Variants in SEMA4C observed in about 807,000 individuals in gnomAD.
The protein encoded by SEMA4C is semaphorin 4C, also known as semaphorin-4C.
A neutral mutation model predicts 89.0 loss-of-function variants in SEMA4C; 19 were observed. The ratio of observed to expected loss-of-function variants is 0.21; its 90% CI spans 0.15 to 0.31. The LOEUF (loss-of-function observed/expected upper bound fraction) is 0.31. Ranked by LOEUF, SEMA4C falls within the 10% of genes least tolerant of loss-of-function variation. The pLI, the probability that SEMA4C is intolerant of heterozygous loss-of-function variation, is 1.00. For synonymous variants in SEMA4C, 428 were observed against 472.7 expected (o/e 0.91, Z 1.23); for missense variants, 811 against 1,107.0 (o/e 0.73, Z 3.79).
intron 1 of SEMA4C, chr2:96,869,118 G>A: frequency 1.0e-6 from 1 of 985,352 alleles, no homozygotes; most frequent in Non-Finnish European, 1.2e-6. Context: ...GAGCCCCGGC[G>A]CGGGAGAGCG....
In SEMA4C at chr2:96,866,404, G is replaced by A. The variant is rs1178681740; in HGVS notation, c.137C>T (p.Ser46Phe). 6 of 1,613,938 alleles carry A rather than the reference G, an allele frequency of 3.7e-6. No individual in the cohort carries two copies. Among genetic ancestry groups the A allele is most frequent in the Non-Finnish European group, 4.2e-6 (5 of 1,180,034 alleles). The change falls in exon 3 of 15, where the codon TCC (serine) becomes TTC (phenylalanine). Residue 46 changes from serine to phenylalanine, a missense_variant. This residue lies in a region of SEMA4C where 119 missense variants were observed against 152.7 expected (regional missense o/e 0.78). Coordinates refer to ENST00000305476, the MANE Select transcript of SEMA4C (RefSeq NM_017789.5). ...CAGGAAGTCCTGGATGCCGGTCTGG[G>A]AGAACCGCCGTACTACCGTGGCCAG... Reference protein sequence around the residue: ...GELATVVRRFSQTGIQDFLTL... With the variant: ...GELATVVRRFFQTGIQDFLTL...
intron 12 of SEMA4C, chr2:96,863,263 A>C: frequency 1.3e-5 from 13 of 1,015,730 alleles, no homozygotes; most frequent in Non-Finnish European, 1.5e-5. Context: ...CACTTCAGGG[A>C]AACAGTCACG....
chr2:96,867,658 C>T (rs1324767157), intron 2 of SEMA4C, 120 bp downstream of exon 2: 2 of 1,081,150 alleles, frequency 1.8e-6, no homozygotes, highest in Non-Finnish European at 1.4e-6. Flanking sequence ...ACTGCCCGTT[C>T]TTCCAACTCG....
rs2080023440 is a variant in SEMA4C at position 96,864,446 on chromosome 2, G to A, written c.963-64C>T. The A allele has an allele frequency of 1.9e-6, 3 of 1,598,248 alleles. No homozygotes were observed. Among genetic ancestry groups the A allele is most frequent in the South Asian group, 2.2e-5 (2 of 90,154 alleles). ...CTTATCTCTTCCCACCCCAGCTAAG[G>A]GCAAGCAGCAGGAAGGCAGGGCCTG... On this transcript the variant is annotated intron_variant, in intron 9 of 14. Transcript: ENST00000305476. This position sits in a 1 kb window ranked among gnomAD's most constrained non-coding sequence, Gnocchi z 6.3.
In SEMA4C at chr2:96,860,855, G is replaced by A. The variant is rs1174321650; in HGVS notation, c.2273C>T (p.Pro758Leu). 8.1e-6 allele frequency: 13 copies of A among 1,613,042 alleles called. No homozygotes were observed. Among genetic ancestry groups the A allele is most frequent in the East Asian group, 2.2e-5 (1 of 44,888 alleles). ...GHARCQPGGGPPSPPPGIPGQ... is the reference protein window; with the variant it reads ...GHARCQPGGGLPSPPPGIPGQ... The stretch of plus-strand genomic sequence containing the variant: ...TGGGATGCCTGGAGGTGGCGAAGGG[G>A]GCCCCCCACCGGGCTGGCACCGGGC... The change falls in exon 15 of 15, where the codon CCC becomes CTC. Residue 758 changes from proline (P) to leucine (L), a missense_variant. This residue lies in a region of SEMA4C where 248 missense variants were observed against 269.0 expected (regional missense o/e 0.92). Coordinates refer to ENST00000305476, the MANE Select transcript of SEMA4C (RefSeq NM_017789.5).
intron 1 of SEMA4C, chr2:96,869,265 G>A: frequency 1.0e-6 from 1 of 985,370 alleles, no homozygotes; most frequent in Non-Finnish European, 1.2e-6. Context: ...CTCCCCCCAG[G>A]GCGAGGAAAC....
intron 2 of SEMA4C, chr2:96,867,060 G>A (rs1033083997): frequency 2.0e-5 from 4 of 201,450 alleles, no homozygotes; most frequent in South Asian, 8.4e-5. Flanking sequence ...GCTGCCACCC[G>A]GCATGCAGGG....
At chr2:96,868,637 T>A (rs2080136594) in intron 1 of SEMA4C, 1 of 985,450 alleles carries the variant, frequency 1.0e-6, no homozygotes, top group Non-Finnish European at 1.2e-6. Context: ...GGCCTCATCC[T>A]GTTCCTCGCA....
Position 96,866,446 on chromosome 2 carries a change from A to G in SEMA4C, c.110-15T>C. On this transcript the variant is annotated splice_polypyrimidine_tract_variant and intron_variant, in intron 2 of 14. Transcript: ENST00000305476. ...CGTGGCCAGCTCTGCAGGGGTAAGC[A>G]TGGCTGCTGATGGGCAGGACCCCTG... is the stretch of plus-strand genomic sequence containing the variant. 1 of 1,613,798 alleles carries G rather than the reference A, an allele frequency of 6.2e-7. No individual in the cohort carries two copies. The highest frequency in any genetic ancestry group is 1.7e-5 in the Admixed American group (1 of 60,032).
chr2:96,863,673 A>G lies in SEMA4C; in HGVS notation c.1443+9T>C. 6.2e-7 allele frequency: 1 copy of G among 1,611,580 alleles called. No homozygotes were observed. The highest frequency in any genetic ancestry group is 1.1e-5 in the South Asian group (1 of 91,030). The stretch of plus-strand genomic sequence containing the variant: ...TGGGGACAGTGGCAGATAGGGCCCA[A>G]CTTACTACCTTGCTCTGAGATAGCA... On this transcript the variant is annotated intron_variant, in intron 12 of 14. Coordinates refer to ENST00000305476, the MANE Select transcript of SEMA4C (RefSeq NM_017789.5).
At chr2:96,869,748 C>T (rs1174853610) in intron 1 of SEMA4C, 128 bp downstream of exon 1, 27 of 985,344 alleles carry the variant, frequency 2.7e-5, no homozygotes, top group Non-Finnish European at 3.3e-5. Flanking sequence ...GCCGTCTCCG[C>T]CGCCGCGGCT....
chr2:96,869,786 G>A (rs998068902), intron 1 of SEMA4C, 90 bp downstream of exon 1: 1 of 983,104 alleles, frequency 1.0e-6, no homozygotes, highest in Non-Finnish European at 1.2e-6. Flanking sequence ...TGTCCCTCCC[G>A]CGTCCGGCAG....
chr2:96,869,339 C>T, intron 1 of SEMA4C: 1 of 985,340 alleles, frequency 1.0e-6, no homozygotes, highest in Non-Finnish European at 1.2e-6. Flanking sequence ...CCCACACCCT[C>T]GCCCACCCCG....
At chr2:96,870,399 C>T (rs1002582669), upstream of SEMA4C, 5 of 926,670 alleles carry the variant, frequency 5.4e-6, no homozygotes, top group Admixed American at 6.2e-5. Flanking sequence ...GAAGTGTCCC[C>T]CGAAGACTCC....
At chr2:96,870,760 G>A (rs1314306586), upstream of SEMA4C, 1 of 985,378 alleles carries the variant, frequency 1.0e-6, no homozygotes, top group African/African-American at 1.7e-5. Context: ...GAGCCCTACT[G>A]TTCAGATGAA....
rs768789871 is a variant in SEMA4C, at chr2:96,861,670, C to T, written c.1602-21G>A. 3 of 1,591,080 alleles carry T rather than the reference C, an allele frequency of 1.9e-6. No individual in the cohort carries two copies. Among genetic ancestry groups the T allele is most frequent in the East Asian group, 2.2e-5 (1 of 44,542 alleles). ...GAGATCTGGTAGGGGATGTAGGGTA[C>T]ATCAGCAGCCTGGCTCCAACCACCC... On this transcript the variant is annotated intron_variant, in intron 13 of 14. Transcript: ENST00000305476. The surrounding 1 kb of genome is among the most constrained non-coding windows in gnomAD (Gnocchi z 7.8).
intron 11 of SEMA4C, 21 bp downstream of exon 11, chr2:96,863,905 C>A: frequency 6.3e-7 from 1 of 1,598,644 alleles, no homozygotes; most frequent in Non-Finnish European, 8.5e-7. Context: ...AGCAGCCATG[C>A]CTGCATACCC....
At position 96,866,439 on chromosome 2, in the gene SEMA4C, G is replaced by C; in HGVS notation, c.110-8C>G. The C allele has an allele frequency of 1.9e-6, 3 of 1,613,922 alleles. No individual in the cohort carries two copies. Among genetic ancestry groups the C allele is most frequent in the Non-Finnish European group, 2.5e-6 (3 of 1,180,030 alleles). ...GTACTACCGTGGCCAGCTCTGCAGG[G>C]GTAAGCATGGCTGCTGATGGGCAGG... On this transcript the variant is annotated splice_polypyrimidine_tract_variant and splice_region_variant and intron_variant, in intron 2 of 14. Transcript: ENST00000305476.
chr2:96,864,222 C>T lies in SEMA4C; in HGVS notation c.1107+16G>A. The T allele has an allele frequency of 6.2e-7, 1 of 1,613,780 alleles. No homozygotes were observed. The highest frequency in any genetic ancestry group is 8.5e-7 in the Non-Finnish European group (1 of 1,179,990). ...CGCAGCTGGGTGGGGAGATGCATCC[C>T]TGCCCTAGCACTCACCGAGCCAGGC... On this transcript the variant is annotated intron_variant, in intron 10 of 14. Transcript: ENST00000305476. The surrounding 1 kb of genome is among the most constrained non-coding windows in gnomAD (Gnocchi z 6.3).
Sources: gnomAD v4.1 joint callset for allele counts on GRCh38, gnomAD v4.1.1 for gene constraint, gnomAD v4.1.1 regional missense constraint, Gnocchi (gnomAD v3.1) non-coding constraint, MANE v1.5 for transcripts, NCBI Gene and HGNC (gene_info 2026-07-23, HGNC 2026-07-21) for gene names.